The following ARID4A variants were observed in gnomAD, a reference collection of about 807,000 sequenced individuals.
ARID4A encodes AT-rich interaction domain 4A, also known as AT-rich interactive domain-containing protein 4A.
In ARID4A, 39 loss-of-function variants were observed where a neutral mutation model predicts 148.6. The observed-to-expected ratio is 0.26, with a 90% confidence interval of 0.20 to 0.34. ARID4A has a LOEUF of 0.34. Among genes scored for constraint, ARID4A ranks in the 10% least tolerant of loss-of-function variants. The pLI, the probability that ARID4A is intolerant of heterozygous loss-of-function variation, is 1.00. For missense variants in ARID4A, 1,265 were observed against 1,449.1 expected (o/e 0.87, Z 2.06); for synonymous variants, 475 against 481.2 (o/e 0.99, Z 0.17).
chr14:58,365,311 T>C lies in ARID4A; in HGVS notation c.3211+11T>C, dbSNP rs1032683069. ...AGAGCAGAGAGAAGGGTAAGGACTT[T>C]CTAGGGAAAAGTAAGTGTTTATATG... On this transcript the variant is annotated intron_variant, in intron 20 of 23. Coordinates refer to ENST00000355431, the MANE Select transcript of ARID4A (RefSeq NM_002892.4). 18 of 1,592,202 alleles carry C rather than the reference T, an allele frequency of 1.1e-5. No homozygotes were observed. In the Admixed American group the frequency reaches 2.2e-4, roughly 19 times the overall value.
intron 11 of ARID4A, among the ~76,000 whole-genome samples, chr14:58,337,101 A>G (rs2033855297): frequency 6.6e-6 from 1 of 150,790 alleles, no homozygotes; most frequent in Non-Finnish European, 1.5e-5. Context: ...CATGTTGGCC[A>G]GGCTGGTCTC....
At position 58,325,351 on chromosome 14, in the gene ARID4A, G is replaced by A. The variant is rs539810246; in HGVS notation, c.582+1734G>A. Among the ~76,000 whole-genome samples, 49 of 152,084 alleles carry A rather than the reference G, an allele frequency of 3.2e-4. 1 individual carries two copies. The South Asian group carries it at 3.5e-3, about 11-fold the overall frequency. On this transcript the variant is annotated intron_variant, in intron 8 of 23. Transcript: ENST00000355431. ...GACTGGAGTGCAGTGGTGTGATCAC[G>A]GCTCACTGCAGCCTTAACCTCCCTG...
At chr14:58,339,473 G>A (rs539850093) in intron 11 of ARID4A, among the ~76,000 whole-genome samples, 2 of 152,176 alleles carry the variant, frequency 1.3e-5, no homozygotes, top group South Asian at 4.2e-4. Context: ...CCACCAATTA[G>A]AACTGTGTAC....
chr14:58,320,888 T>A (rs1006494997), intron 7 of ARID4A, among the ~76,000 whole-genome samples: 1 of 152,196 alleles, frequency 6.6e-6, no homozygotes, highest in Non-Finnish European at 1.5e-5. Context: ...ATTACAGGCA[T>A]GAGCCACCAC....
rs199694449 is a variant in ARID4A, at chr14:58,371,018, T to C, written c.3671-868T>C. Among the ~76,000 whole-genome samples, 5 of 152,288 alleles carry C rather than the reference T, an allele frequency of 3.3e-5. No homozygotes were observed. In the East Asian group the frequency reaches 9.7e-4, roughly 29 times the overall value. ...CATGTAAGAATTTGTTGCCTGGGCATGGGGCTCACGCTTATAATTCCAGCA... is the reference window on the plus strand; with the variant it reads ...CATGTAAGAATTTGTTGCCTGGGCACGGGGCTCACGCTTATAATTCCAGCA... On this transcript the variant is annotated intron_variant, in intron 23 of 23. Transcript: ENST00000355431.
Position 58,344,071 on chromosome 14 carries a change from G to A in ARID4A, c.907-624G>A, listed in dbSNP as rs181299140. 6.2e-3 allele frequency among the ~76,000 whole-genome samples: 943 copies of A among 152,008 alleles called. 3 individuals are homozygous for A. The highest frequency in any genetic ancestry group is 0.011 in the South Asian group (53 of 4,810). ...TAGGTGTTGCAAAGTCAAGTACAGGGGCCATACTAGAAAGGCAAAAGAGAA... is the reference window on the plus strand; with the variant it reads ...TAGGTGTTGCAAAGTCAAGTACAGGAGCCATACTAGAAAGGCAAAAGAGAA... On this transcript the variant is annotated intron_variant, in intron 11 of 23. Transcript: ENST00000355431.
Position 58,307,649 on chromosome 14 carries a change from G to T in ARID4A, c.274+1537G>T, listed in dbSNP as rs78648023. Among the ~76,000 whole-genome samples, 369 of 152,248 alleles carry T rather than the reference G, an allele frequency of 2.4e-3. 17 individuals carry two copies. The East Asian group carries it at 0.067, about 28-fold the overall frequency. On this transcript the variant is annotated intron_variant, in intron 5 of 23. Coordinates refer to ENST00000355431, the MANE Select transcript of ARID4A (RefSeq NM_002892.4). ...AGCCTGGCCAACATGGCGAAACCTT[G>T]TCTCTACTAAAAATACAAAAATTAG...
intron 5 of ARID4A, among the ~76,000 whole-genome samples, chr14:58,313,633 G>A (rs1684723196): frequency 6.6e-6 from 1 of 152,104 alleles, no homozygotes; most frequent in South Asian, 2.1e-4. Context: ...TTCTCTGTAA[G>A]CTGGAGACCT....
intron 2 of ARID4A, among the ~76,000 whole-genome samples, chr14:58,300,082 C>T (rs1443526188): frequency 6.6e-6 from 1 of 152,174 alleles, no homozygotes; most frequent in African/African-American, 2.4e-5. Context: ...GCTGGTGCAG[C>T]CTTTCAATTG....
chr14:58,359,318 G>C, intron 18 of ARID4A, 102 bp downstream of exon 18: 3 of 1,150,310 alleles, frequency 2.6e-6, no homozygotes, highest in Non-Finnish European at 3.6e-6. Context: ...TTTATACCAA[G>C]ATTGAGAGCA....
chr14:58,321,544 G>A (rs532353569), intron 7 of ARID4A, among the ~76,000 whole-genome samples: 3 of 151,880 alleles, frequency 2.0e-5, no homozygotes, highest in Middle Eastern at 3.4e-3. Flanking sequence ...TTTTTCCTGC[G>A]CCAACCCTGG....
chr14:58,336,035 T>C (rs919782184), intron 11 of ARID4A, among the ~76,000 whole-genome samples: 23 of 152,076 alleles, frequency 1.5e-4, no homozygotes, highest in African/African-American at 4.8e-4. Flanking sequence ...TTTTTCTAAC[T>C]GAAAATATAT....
intron 8 of ARID4A, among the ~76,000 whole-genome samples, 169 bp from the exon 9 acceptor site, chr14:58,328,067 TA>T (rs1191998425): frequency 2.0e-5 from 3 of 152,256 alleles, no homozygotes; most frequent in Non-Finnish European, 4.4e-5. Flanking sequence ...TATAAGGGTA[TA>T]TTTTTTTGTA....
chr14:58,340,012 G>C (rs2034034052), intron 11 of ARID4A, among the ~76,000 whole-genome samples: 2 of 152,096 alleles, frequency 1.3e-5, no homozygotes, highest in African/African-American at 4.8e-5. Context: ...CCGAGTATTG[G>C]GGATTACAAT....
intron 8 of ARID4A, among the ~76,000 whole-genome samples, chr14:58,326,853 A>G (rs1258509324): frequency 6.6e-6 from 1 of 152,098 alleles, no homozygotes; most frequent in Non-Finnish European, 1.5e-5. Flanking sequence ...TGATGTTTTC[A>G]TACTATTATG....
intron 5 of ARID4A, among the ~76,000 whole-genome samples, chr14:58,307,640 C>T (rs866784903): frequency 2.0e-4 from 31 of 152,098 alleles, no homozygotes; most frequent in Admixed American, 3.3e-4. Flanking sequence ...GCCAACATGG[C>T]GAAACCTTGT....
At chr14:58,312,568 A>T (rs1436197528) in intron 5 of ARID4A, among the ~76,000 whole-genome samples, 1 of 152,148 alleles carries the variant, frequency 6.6e-6, no homozygotes, top group Non-Finnish European at 1.5e-5. Flanking sequence ...GGGCATCCGT[A>T]TGTTTTAAAT....
intron 5 of ARID4A, among the ~76,000 whole-genome samples, chr14:58,313,823 G>C (rs1255938986): frequency 6.6e-6 from 1 of 152,218 alleles, no homozygotes; most frequent in Non-Finnish European, 1.5e-5. Flanking sequence ...AAGGAGAAGA[G>C]TGTCCCAGCT....
At chr14:58,341,126 T>C (rs1033631987) in intron 11 of ARID4A, among the ~76,000 whole-genome samples, 9 of 152,124 alleles carry the variant, frequency 5.9e-5, no homozygotes, top group African/African-American at 1.9e-4. Context: ...GATCTTTCCA[T>C]CCCAGCTGGC....
Sources: allele counts gnomAD v4.1 joint callset (sites outside exome capture counted in the v4.1 genomes callset), GRCh38; gene constraint gnomAD v4.1.1; transcripts MANE v1.5; gene names NCBI Gene and HGNC (gene_info 2026-07-23, HGNC 2026-07-21).